The following PDSS2 variants were observed in gnomAD, a reference collection of about 807,000 sequenced individuals.
PDSS2 encodes the protein decaprenyl diphosphate synthase subunit 2.
Under a neutral mutation model 44.5 loss-of-function variants are expected in PDSS2, and 31 were observed. The observed-to-expected ratio is 0.70, with a 90% CI of 0.52 to 0.94. The LOEUF is 0.94. PDSS2 is among the 40% of genes least tolerant of loss of function. PDSS2 has a pLI of 0.00. For missense variants in PDSS2, 452 were observed against 482.2 expected (o/e 0.94, Z 0.59); for synonymous variants, 157 against 180.3 (o/e 0.87, Z 1.03).
intron 2 of PDSS2, among the ~76,000 whole-genome samples, chr6:107,306,625 T>C (rs1177113822): frequency 6.6e-6 from 1 of 152,234 alleles, no homozygotes; most frequent in Non-Finnish European, 1.5e-5. Context: ...GGAATGCATA[T>C]GTTCCAGAAA....
chr6:107,380,839 T>G (rs1258483345), intron 1 of PDSS2, among the ~76,000 whole-genome samples: 2 of 152,102 alleles, frequency 1.3e-5, no homozygotes, highest in African/African-American at 4.8e-5. Flanking sequence ...GGAATGGGAG[T>G]GACAGCTTCC....
intron 2 of PDSS2, among the ~76,000 whole-genome samples, chr6:107,313,142 T>A (rs1777095142): frequency 6.6e-6 from 1 of 152,244 alleles, no homozygotes; most frequent in Non-Finnish European, 1.5e-5. Context: ...CCAGGAAATA[T>A]AAACATGTGC....
At chr6:107,302,695 A>G (rs1776735221) in intron 2 of PDSS2, among the ~76,000 whole-genome samples, 1 of 152,140 alleles carries the variant, frequency 6.6e-6, no homozygotes, top group African/African-American at 2.4e-5. Flanking sequence ...AAAAAATATC[A>G]TATAAGTCAT....
chr6:107,447,022 T>TAGC (rs2114835308), intron 1 of PDSS2, among the ~76,000 whole-genome samples: 1 of 152,196 alleles, frequency 6.6e-6, no homozygotes, highest in East Asian at 1.9e-4. Context: ...GGCAAGTCCC[T>TAGC]TCTACCTATG....
intron 1 of PDSS2, among the ~76,000 whole-genome samples, chr6:107,377,413 C>T (rs1435986881): frequency 6.6e-5 from 10 of 152,070 alleles, no homozygotes; most frequent in African/African-American, 1.9e-4. Flanking sequence ...TGTGGAGAAA[C>T]AGGAACATTT....
At chr6:107,310,919 C>CTTTTTT (rs370360594) in intron 2 of PDSS2, among the ~76,000 whole-genome samples, 1 of 140,926 alleles carries the variant, frequency 7.1e-6, no homozygotes, top group African/African-American at 2.6e-5. Flanking sequence ...CAAAAATAAA[C>CTTTTTT]TTTTTTTTTT....
intron 7 of PDSS2, among the ~76,000 whole-genome samples, chr6:107,161,316 T>C (rs946949890): frequency 2.3e-4 from 35 of 151,786 alleles, no homozygotes; most frequent in African/African-American, 7.0e-4. Flanking sequence ...CCGTCTCTAC[T>C]AAAAATACAA....
chr6:107,259,040 G>C lies in PDSS2; in HGVS notation c.631-13421C>G, dbSNP rs17322378. Reference sequence around the variant, plus strand: ...ACAGCAACTCTACCATTTATTAGCAGTGTTACCTTGAGGGAAATTACTTAT... The same window carrying C: ...ACAGCAACTCTACCATTTATTAGCACTGTTACCTTGAGGGAAATTACTTAT... On this transcript the variant is annotated intron_variant, in intron 3 of 7. Transcript: ENST00000369037. Among the ~76,000 whole-genome samples the C allele has an allele frequency of 6.2e-4, 95 of 152,272 alleles. No homozygotes were observed. The Middle Eastern group carries it at 0.024, about 38-fold the overall frequency.
chr6:107,200,010 T>C (rs1276597639), intron 6 of PDSS2, among the ~76,000 whole-genome samples: 1 of 152,172 alleles, frequency 6.6e-6, no homozygotes, highest in East Asian at 1.9e-4. Flanking sequence ...TCATGAAAAT[T>C]AACCAACAAA....
At chr6:107,222,841 C>G (rs1773656776) in intron 4 of PDSS2, among the ~76,000 whole-genome samples, 1 of 151,862 alleles carries the variant, frequency 6.6e-6, no homozygotes, top group South Asian at 2.1e-4. Flanking sequence ...TGTGGTGGCT[C>G]ATACCTGTAA....
chr6:107,160,156 C>T (rs1258689903), intron 7 of PDSS2, among the ~76,000 whole-genome samples: 2 of 152,168 alleles, frequency 1.3e-5, no homozygotes, highest in African/African-American at 4.8e-5. Flanking sequence ...GTGGAGGTTA[C>T]AGTGGGCCAA....
intron 7 of PDSS2, among the ~76,000 whole-genome samples, chr6:107,190,206 C>A (rs1254881170): frequency 6.6e-6 from 1 of 152,098 alleles, no homozygotes; most frequent in Admixed American, 6.6e-5. Context: ...CAGTCTTTAT[C>A]TTCAAACTAG....
intron 2 of PDSS2, among the ~76,000 whole-genome samples, chr6:107,286,039 C>T (rs1036134636): frequency 5.4e-5 from 8 of 148,540 alleles, no homozygotes; most frequent in African/African-American, 2.0e-4. Context: ...ACTCAGGAGG[C>T]TGAGGTGGGA....
chr6:107,378,173 T>C (rs868299808), intron 1 of PDSS2, among the ~76,000 whole-genome samples: 1 of 151,246 alleles, frequency 6.6e-6, no homozygotes, highest in Non-Finnish European at 1.5e-5. Context: ...TCATACTTAA[T>C]TGTGAAAAAA....
rs200678038 is a variant in PDSS2 at position 107,192,799 on chromosome 6, AG to A, written c.1041+1022del. ...ATTTTGTAATTGTTAAAAAAAAAAA[AG>A]AGAGACTTTATTTTCAGCAAGGAAA... On this transcript the variant is annotated intron_variant, in intron 7 of 7. Transcript: ENST00000369037. 6.6e-3 allele frequency among the ~76,000 whole-genome samples: 996 copies of A among 150,256 alleles called. 7 individuals carry two copies. Among genetic ancestry groups the A allele is most frequent in the African/African-American group, 0.021 (875 of 41,078 alleles).
At chr6:107,215,675 A>G (rs1773387306) in intron 4 of PDSS2, among the ~76,000 whole-genome samples, 1 of 152,180 alleles carries the variant, frequency 6.6e-6, no homozygotes, top group South Asian at 2.1e-4. Flanking sequence ...CTAAAAAACT[A>G]CTATAAACTA....
At chr6:107,157,330 A>G (rs1376948742) in intron 7 of PDSS2, among the ~76,000 whole-genome samples, 3 of 152,036 alleles carry the variant, frequency 2.0e-5, no homozygotes, top group Non-Finnish European at 4.4e-5. Flanking sequence ...GAAGACAGGC[A>G]TGCACCACTA....
At chr6:107,396,671 CTTT>C (rs1346777750) in intron 1 of PDSS2, among the ~76,000 whole-genome samples, 2 of 99,392 alleles carry the variant, frequency 2.0e-5, no homozygotes, top group East Asian at 5.1e-4. Context: ...TTTTCCTCTT[CTTT>C]TTTCTTTTTT....
At chr6:107,210,318 T>C in intron 6 of PDSS2, 121 bp downstream of exon 6, 1 of 763,946 alleles carries the variant, frequency 1.3e-6, no homozygotes, top group Non-Finnish European at 2.3e-6. Context: ...GAAAGGATTT[T>C]ACCTGTTACG....
Sources: allele counts gnomAD v4.1 joint callset (sites outside exome capture counted in the v4.1 genomes callset), GRCh38; gene constraint gnomAD v4.1.1; transcripts MANE v1.5; gene names NCBI Gene and HGNC (gene_info 2026-07-23, HGNC 2026-07-21).